The following MAML3 variants were observed in gnomAD, a reference collection of about 807,000 sequenced individuals.
The protein encoded by MAML3 is mastermind-like protein 3.
In MAML3, 27 loss-of-function variants were observed where a neutral mutation model predicts 101.9. That is an observed-to-expected ratio of 0.27 (90% CI 0.20 to 0.37). The LOEUF is 0.37. Ranked by LOEUF, MAML3 falls within the 10% of genes least tolerant of loss-of-function variation. MAML3 has a pLI of 1.00. For missense variants in MAML3, 1,316 were observed against 1,444.9 expected (o/e 0.91, Z 1.45); for synonymous variants, 501 against 555.9 (o/e 0.90, Z 1.39).
chr4:140,144,800 C>T (rs1330206341), intron 1 of MAML3, among the ~76,000 whole-genome samples: 1 of 152,200 alleles, frequency 6.6e-6, no homozygotes, highest in Non-Finnish European at 1.5e-5. Context: ...TTTACCCACA[C>T]CTGCTCTCAC....
chr4:139,857,850 C>G (rs1169639454), intron 2 of MAML3, among the ~76,000 whole-genome samples: 1 of 152,206 alleles, frequency 6.6e-6, no homozygotes, highest in Non-Finnish European at 1.5e-5. Flanking sequence ...TTTAACCTTC[C>G]ATCATATGAT....
intron 2 of MAML3, among the ~76,000 whole-genome samples, chr4:139,822,296 G>A (rs1473006862): frequency 7.2e-6 from 1 of 139,378 alleles, no homozygotes; most frequent in Non-Finnish European, 1.5e-5. Context: ...TGCTATCATT[G>A]TGGCAAATAT....
chr4:139,829,779 G>T (rs1731129296), intron 2 of MAML3, among the ~76,000 whole-genome samples: 1 of 152,180 alleles, frequency 6.6e-6, no homozygotes, highest in African/African-American at 2.4e-5. Context: ...GCACGTTTAG[G>T]CAGCAAACAA....
At chr4:139,807,594 A>G (rs923618672) in intron 2 of MAML3, among the ~76,000 whole-genome samples, 2 of 152,154 alleles carry the variant, frequency 1.3e-5, no homozygotes, top group Non-Finnish European at 2.9e-5. Context: ...ACCTCAAGGG[A>G]GCATACACGT....
At chr4:139,736,763 T>C (rs994625416) in intron 2 of MAML3, among the ~76,000 whole-genome samples, 19 of 152,114 alleles carry the variant, frequency 1.2e-4, no homozygotes, top group African/African-American at 4.1e-4. Context: ...TTAGAACTTT[T>C]GGGGGTGTTT....
At chr4:140,068,152 C>T (rs1211660678) in intron 1 of MAML3, among the ~76,000 whole-genome samples, 1 of 152,100 alleles carries the variant, frequency 6.6e-6, no homozygotes, top group Non-Finnish European at 1.5e-5. Context: ...TGGTCACGAG[C>T]CCACCCAGAT....
At chr4:139,753,108 G>T (rs1729551371) in intron 2 of MAML3, among the ~76,000 whole-genome samples, 3 of 152,232 alleles carry the variant, frequency 2.0e-5, no homozygotes, top group East Asian at 1.9e-4. Context: ...GAAAGAGAGG[G>T]TTACACACCA....
At chr4:139,985,365 G>T (rs1734518501) in intron 1 of MAML3, among the ~76,000 whole-genome samples, 2 of 152,210 alleles carry the variant, frequency 1.3e-5, no homozygotes. Context: ...GAGTTCTGGA[G>T]GAGGAATGCT....
At chr4:139,813,740 G>A (rs1443904827) in intron 2 of MAML3, among the ~76,000 whole-genome samples, 1 of 152,120 alleles carries the variant, frequency 6.6e-6, no homozygotes, top group East Asian at 1.9e-4. Flanking sequence ...GCAAAGGCTC[G>A]GGGTGCCGGC....
chr4:140,022,794 C>G (rs893107213), intron 1 of MAML3, among the ~76,000 whole-genome samples: 12 of 152,164 alleles, frequency 7.9e-5, no homozygotes, highest in East Asian at 3.9e-4. Flanking sequence ...CCTTCCTTGT[C>G]TTCATCTGTC....
intron 2 of MAML3, among the ~76,000 whole-genome samples, chr4:139,847,443 C>T (rs1731470357): frequency 6.6e-6 from 1 of 152,226 alleles, no homozygotes; most frequent in African/African-American, 2.4e-5. Context: ...ACACCTGATA[C>T]TGTGTCTCTC....
chr4:139,730,428 AATC>A lies in MAML3; in HGVS notation c.2316_2318del (p.Gln772_Ile773delinsHis). 1.4e-6 allele frequency: 2 copies of A among 1,440,490 alleles called. No homozygotes were observed. Among genetic ancestry groups the A allele is most frequent in the Non-Finnish European group, 1.8e-6 (2 of 1,101,230 alleles). The allele number at this position is 1,440,490 out of a possible 1,614,324, so 89.2% of individuals were successfully genotyped here. A position where few individuals can be genotyped will look rare whatever the true frequency, so the allele number is the denominator to read the frequency against. On this transcript the variant is annotated inframe_deletion, in exon 3 of 5. Coordinates refer to ENST00000509479, the MANE Select transcript of MAML3 (RefSeq NM_018717.5). ...AGGGGCATGTTACCTGTTCCGCCAA[AATC>A]TGCTGCTGCTGCTGCTGCTGCTGCT... is the stretch of plus-strand genomic sequence containing the variant.
At chr4:140,078,843 G>A (rs1467451631) in intron 1 of MAML3, among the ~76,000 whole-genome samples, 4 of 152,258 alleles carry the variant, frequency 2.6e-5, no homozygotes, top group African/African-American at 9.6e-5. Context: ...CACCATGAGG[G>A]CTGGAAAGGA....
chr4:139,863,150 CAAAAAAAAAAAAAA>C (rs34108210), intron 2 of MAML3, among the ~76,000 whole-genome samples: 2 of 114,146 alleles, frequency 1.8e-5, no homozygotes, highest in African/African-American at 6.5e-5. Context: ...ACTCTGTCTC[CAAAAAAAAAAAAAA>C]AAAAAATAGT....
In MAML3 at chr4:140,118,115, C is replaced by T. The variant is rs569781800; in HGVS notation, c.468+34745G>A. On this transcript the variant is annotated intron_variant, in intron 1 of 4. Transcript: ENST00000509479. ...AGACAACCACCACAAAAAATGTTCT[C>T]TCTGATATCAGCTACAACCAACCCC... Among the ~76,000 whole-genome samples the T allele has an allele frequency of 2.6e-3, 390 of 151,850 alleles. 2 individuals are homozygous for T. Among genetic ancestry groups the T allele is most frequent in the African/African-American group, 8.7e-3 (360 of 41,450 alleles).
intron 2 of MAML3, among the ~76,000 whole-genome samples, chr4:139,747,671 G>T (rs560761341): frequency 6.6e-6 from 1 of 151,762 alleles, no homozygotes; most frequent in South Asian, 2.1e-4. Flanking sequence ...TCCAGCCTGG[G>T]CAAGAGAGCA....
At chr4:139,840,180 G>A (rs569730940) in intron 2 of MAML3, among the ~76,000 whole-genome samples, 1 of 152,314 alleles carries the variant, frequency 6.6e-6, no homozygotes, top group South Asian at 2.1e-4. Context: ...TGGTCCCCTG[G>A]CTTCTGGCCC....
intron 4 of MAML3, among the ~76,000 whole-genome samples, chr4:139,723,373 C>A (rs534507091): frequency 6.6e-6 from 1 of 152,176 alleles, no homozygotes; most frequent in African/African-American, 2.4e-5. Context: ...TGCAATGGCA[C>A]GATCTTGGCT....
intron 1 of MAML3, among the ~76,000 whole-genome samples, chr4:140,127,528 C>T (rs765610453): frequency 7.2e-5 from 11 of 152,148 alleles, no homozygotes; most frequent in South Asian, 4.1e-4. Flanking sequence ...AGCAAAAGCT[C>T]GACTCTTCCA....
Sources: gnomAD v4.1 joint callset for allele counts (sites outside exome capture counted in the v4.1 genomes callset) on GRCh38, gnomAD v4.1.1 for gene constraint, MANE v1.5 for transcripts, NCBI Gene and HGNC (gene_info 2026-07-23, HGNC 2026-07-21) for gene names.